CADPS: variants seen among roughly 807,000 people sequenced by gnomAD.
CADPS encodes calcium-dependent secretion activator 1.
A neutral mutation model predicts 167.3 loss-of-function variants in CADPS; 57 were observed. The observed-to-expected ratio is 0.34, with a 90% confidence interval of 0.28 to 0.42. The LOEUF is 0.42. Among genes scored for constraint, CADPS ranks in the 20% least tolerant of loss-of-function variants. The pLI, the probability that CADPS is intolerant of heterozygous loss-of-function variation, is 1.00. For missense variants in CADPS, 1,414 were observed against 1,738.1 expected (o/e 0.81, Z 3.32); for synonymous variants, 676 against 635.3 (o/e 1.06, Z -0.96).
At chr3:62,706,499 G>A (rs1003625824) in intron 3 of CADPS, among the ~76,000 whole-genome samples, 1 of 152,052 alleles carries the variant, frequency 6.6e-6, no homozygotes, top group East Asian at 1.9e-4. Context: ...ACCACTGACC[G>A]GGTGGCTTAA....
intron 6 of CADPS, among the ~76,000 whole-genome samples, chr3:62,636,377 T>TA (rs2066303844): frequency 1.3e-5 from 2 of 152,208 alleles, no homozygotes; most frequent in African/African-American, 4.8e-5. Flanking sequence ...CTGCAGCTGT[T>TA]AAAGACTGCC....
chr3:62,702,932 A>T (rs960601404), intron 3 of CADPS, among the ~76,000 whole-genome samples: 1 of 152,076 alleles, frequency 6.6e-6, no homozygotes, highest in South Asian at 2.1e-4. Flanking sequence ...GCCCCATTTC[A>T]TGGAAGAGGA....
chr3:62,441,968 C>A (rs1053202104), intron 27 of CADPS, among the ~76,000 whole-genome samples: 2 of 152,140 alleles, frequency 1.3e-5, no homozygotes, highest in Non-Finnish European at 1.5e-5. Context: ...AAGCAATATC[C>A]AGGCTCCACC....
chr3:62,786,917 G>A (rs1278774088), intron 1 of CADPS, among the ~76,000 whole-genome samples: 2 of 152,100 alleles, frequency 1.3e-5, no homozygotes, highest in East Asian at 3.8e-4. Context: ...AGATATCTTG[G>A]TGCAGCCAAG....
At chr3:62,773,387 A>G (rs1419489606) in intron 1 of CADPS, among the ~76,000 whole-genome samples, 1 of 152,136 alleles carries the variant, frequency 6.6e-6, no homozygotes, top group Non-Finnish European at 1.5e-5. Context: ...TAGCTTGAAG[A>G]AAAAATCTGA....
chr3:62,626,802 G>T (rs1027883494), intron 6 of CADPS, among the ~76,000 whole-genome samples: 1 of 152,096 alleles, frequency 6.6e-6, no homozygotes, highest in African/African-American at 2.4e-5. Context: ...AGTGAAAATA[G>T]ATTTAAAGAA....
chr3:62,810,476 A>G (rs535716969), intron 1 of CADPS, among the ~76,000 whole-genome samples: 1 of 152,160 alleles, frequency 6.6e-6, no homozygotes, highest in Non-Finnish European at 1.5e-5. Flanking sequence ...CCCACTAAAT[A>G]TTAAAATCAT....
chr3:62,513,761 A>C, intron 16 of CADPS: 1 of 1,165,528 alleles, frequency 8.6e-7, no homozygotes, highest in Non-Finnish European at 1.3e-6. Context: ...AAAGAGGTTA[A>C]AGGTCATAGG....
chr3:62,622,184 C>A (rs1269331768), intron 6 of CADPS, among the ~76,000 whole-genome samples: 2 of 152,138 alleles, frequency 1.3e-5, no homozygotes, highest in East Asian at 3.9e-4. Flanking sequence ...GAGCTGTATG[C>A]TGAGTGGGCC....
intron 5 of CADPS, among the ~76,000 whole-genome samples, chr3:62,648,909 C>T (rs1276686971): frequency 2.0e-5 from 3 of 151,888 alleles, no homozygotes; most frequent in East Asian, 1.9e-4. Context: ...TGAAATTACA[C>T]GGATGATTTT....
chr3:62,864,211 C>T (rs2081297213), intron 1 of CADPS, among the ~76,000 whole-genome samples: 1 of 152,162 alleles, frequency 6.6e-6, no homozygotes, highest in Non-Finnish European at 1.5e-5. Context: ...GTGGCCACAC[C>T]TTTAGCAGCA....
At chr3:62,576,788 TAAAA>T (rs138055445) in intron 8 of CADPS, among the ~76,000 whole-genome samples, 5 of 29,874 alleles carry the variant, frequency 1.7e-4, no homozygotes, top group African/African-American at 2.4e-4. Flanking sequence ...AGACTCTGTC[TAAAA>T]AAAAAAAAAA....
chr3:62,417,876 A>T lies in CADPS; in HGVS notation c.3778-14691T>A, dbSNP rs535047555. 2.6e-5 allele frequency among the ~76,000 whole-genome samples: 4 copies of T among 152,158 alleles called. No individual in the cohort carries two copies. The East Asian group carries it at 7.7e-4, about 29-fold the overall frequency. On this transcript the variant is annotated intron_variant, in intron 28 of 29. Transcript: ENST00000383710. ...AAAAAAACCTAGCAATAATAATAAT[A>T]AAAGTAGGCAGAGAACAATGACATG...
chr3:62,798,556 T>C (rs1462583483), intron 1 of CADPS, among the ~76,000 whole-genome samples: 1 of 152,108 alleles, frequency 6.6e-6, no homozygotes, highest in Non-Finnish European at 1.5e-5. Context: ...TGTGAGTCAA[T>C]AATCCTTAAT....
chr3:62,628,866 TCACCC>T (rs1323287989), intron 6 of CADPS, among the ~76,000 whole-genome samples: 4 of 152,014 alleles, frequency 2.6e-5, no homozygotes, highest in Non-Finnish European at 5.9e-5. Flanking sequence ...ACCTCGTGAT[TCACCC>T]GCCTCAGCCT....
chr3:62,662,423 T>A (rs546922806), intron 3 of CADPS, 29 bp from the exon 4 acceptor site: 2 of 1,603,536 alleles, frequency 1.2e-6, no homozygotes, highest in Non-Finnish European at 1.7e-6. Context: ...ATTGAGACTT[T>A]TAGTTTGGGT....
intron 8 of CADPS, among the ~76,000 whole-genome samples, chr3:62,584,264 C>T (rs1045481026): frequency 2.6e-5 from 4 of 152,178 alleles, no homozygotes; most frequent in African/African-American, 9.6e-5. Context: ...GTCTCGGCCT[C>T]CCAAAGTGCT....
chr3:62,583,302 C>T (rs899721715), intron 8 of CADPS, among the ~76,000 whole-genome samples: 1 of 151,964 alleles, frequency 6.6e-6, no homozygotes, highest in Admixed American at 6.6e-5. Context: ...ACTACAGAAA[C>T]CTAACTGAAT....
rs998386018 is a variant in CADPS, at chr3:62,413,855, T to C, written c.3778-10670A>G. On this transcript the variant is annotated intron_variant, in intron 28 of 29. Transcript: ENST00000383710. The stretch of plus-strand genomic sequence containing the variant: ...AAGAAAGAACAGATATGTAGCAATG[T>C]ACATATTCTAATCTGGCACACCCAA... Among the ~76,000 whole-genome samples the C allele has an allele frequency of 2.6e-5, 4 of 151,468 alleles. No individual in the cohort carries two copies. The South Asian group carries it at 6.3e-4, about 24-fold the overall frequency.
Sources: gnomAD v4.1 joint callset for allele counts (sites outside exome capture counted in the v4.1 genomes callset) on GRCh38, gnomAD v4.1.1 for gene constraint, MANE v1.5 for transcripts, NCBI Gene and HGNC (gene_info 2026-07-23, HGNC 2026-07-21) for gene names.